The following PDE4D variants were observed in gnomAD, a reference collection of about 807,000 sequenced individuals.
The protein encoded by PDE4D is phosphodiesterase 4D.
Under a neutral mutation model 87.4 loss-of-function variants are expected in PDE4D, and 24 were observed. The observed-to-expected ratio is 0.27, with a 90% CI of 0.20 to 0.39. PDE4D has a LOEUF of 0.39. Ranked by LOEUF, PDE4D falls within the 10% of genes least tolerant of loss-of-function variation. The pLI is 1.00. For synonymous variants in PDE4D, 384 were observed against 383.2 expected (o/e 1.00, Z -0.02); for missense variants, 714 against 1,041.0 (o/e 0.69, Z 4.32).
chr5:59,158,100 A>G (rs972887427), intron 5 of PDE4D, among the ~76,000 whole-genome samples: 31 of 152,298 alleles, frequency 2.0e-4, no homozygotes, highest in Admixed American at 4.6e-4. Context: ...TGCTCTTCAA[A>G]GCCCAAGACC....
At chr5:60,386,415 A>G (rs1394835246) in intron 1 of PDE4D, among the ~76,000 whole-genome samples, 1 of 152,138 alleles carries the variant, frequency 6.6e-6, no homozygotes, top group Non-Finnish European at 1.5e-5. Flanking sequence ...AACCTCTCTA[A>G]CTCAGAGTCT....
intron 1 of PDE4D, among the ~76,000 whole-genome samples, chr5:60,378,664 C>T (rs1761615450): frequency 6.6e-6 from 1 of 151,916 alleles, no homozygotes; most frequent in East Asian, 1.9e-4. Context: ...CCAGCCTGAC[C>T]AACATGGTGA....
chr5:59,844,652 T>C (rs1481987325), intron 1 of PDE4D, among the ~76,000 whole-genome samples: 2 of 152,062 alleles, frequency 1.3e-5, no homozygotes, highest in Non-Finnish European at 2.9e-5. Flanking sequence ...GTAGGCACAA[T>C]TTTAAGATGG....
At chr5:59,775,581 T>A (rs1280132566) in intron 1 of PDE4D, among the ~76,000 whole-genome samples, 2 of 152,182 alleles carry the variant, frequency 1.3e-5, no homozygotes, top group Non-Finnish European at 2.9e-5. Flanking sequence ...AATCAAAAGA[T>A]TTTCAAACTC....
At chr5:59,768,795 G>C (rs931172834) in intron 1 of PDE4D, 2 of 592,288 alleles carry the variant, frequency 3.4e-6, no homozygotes, top group Non-Finnish European at 5.4e-6. Context: ...GCGCTCGCAC[G>C]GCTTTGTCCG....
intron 1 of PDE4D, among the ~76,000 whole-genome samples, chr5:60,207,208 AG>A (rs1742645691): frequency 6.6e-6 from 1 of 152,238 alleles, no homozygotes; most frequent in African/African-American, 2.4e-5. Flanking sequence ...GGAGGAAGGA[AG>A]AAAAGAAGAA....
chr5:59,182,015 G>A (rs1741726466), intron 4 of PDE4D, among the ~76,000 whole-genome samples: 1 of 152,044 alleles, frequency 6.6e-6, no homozygotes, highest in Non-Finnish European at 1.5e-5. Flanking sequence ...CTCAGCCTCT[G>A]GCTCCCTTTC....
intron 1 of PDE4D, among the ~76,000 whole-genome samples, chr5:60,287,011 CTG>C (rs1014905562): frequency 3.9e-5 from 6 of 152,196 alleles, no homozygotes; most frequent in Non-Finnish European, 5.9e-5. Flanking sequence ...ACACAACACA[CTG>C]TAAAGACTTT....
At chr5:60,348,785 G>T (rs1265813055) in intron 1 of PDE4D, among the ~76,000 whole-genome samples, 1 of 151,948 alleles carries the variant, frequency 6.6e-6, no homozygotes, top group Non-Finnish European at 1.5e-5. Flanking sequence ...AACAGAAAAT[G>T]CATACTTTAA....
At chr5:59,743,284 T>C (rs1315508742) in intron 1 of PDE4D, among the ~76,000 whole-genome samples, 1 of 152,050 alleles carries the variant, frequency 6.6e-6, no homozygotes, top group Non-Finnish European at 1.5e-5. Flanking sequence ...AAACATGACA[T>C]AAAAGCACAC....
chr5:59,390,268 A>G (rs1429915774), intron 1 of PDE4D, among the ~76,000 whole-genome samples: 1 of 152,154 alleles, frequency 6.6e-6, no homozygotes, highest in Non-Finnish European at 1.5e-5. Flanking sequence ...CTAATTTTGG[A>G]TATACTATTT....
intron 1 of PDE4D, among the ~76,000 whole-genome samples, chr5:59,801,730 C>T (rs915218214): frequency 2.3e-4 from 35 of 152,156 alleles, no homozygotes; most frequent in African/African-American, 5.6e-4. Flanking sequence ...CAAAATCAGA[C>T]GATTTGTTCC....
chr5:60,473,745 C>G (rs1365983927), intron 1 of PDE4D, among the ~76,000 whole-genome samples: 2 of 151,886 alleles, frequency 1.3e-5, no homozygotes, highest in African/African-American at 4.8e-5. Flanking sequence ...ATCTGGCATG[C>G]AAACCATACT....
At chr5:60,168,399 G>C (rs2962966) in intron 2 of PDE4D, among the ~76,000 whole-genome samples, 100,903 of 152,008 alleles carry the variant, frequency 0.66, 34,015 homozygotes, top group Middle Eastern at 0.71. Context: ...CTGGAAATAA[G>C]TTATTGGCTA....
At chr5:59,021,226 A>G (rs1215413680) in intron 6 of PDE4D, among the ~76,000 whole-genome samples, 1 of 152,208 alleles carries the variant, frequency 6.6e-6, no homozygotes, top group Non-Finnish European at 1.5e-5. Context: ...GGCTGTCTTC[A>G]TATTCTTTCA....
At chr5:59,559,877 C>T (rs1401466313) in intron 1 of PDE4D, among the ~76,000 whole-genome samples, 1 of 152,154 alleles carries the variant, frequency 6.6e-6, no homozygotes, top group Non-Finnish European at 1.5e-5. Context: ...ATTTTTCTCT[C>T]CAAAGCACAT....
At chr5:59,869,115 T>C (rs1490723379) in intron 1 of PDE4D, among the ~76,000 whole-genome samples, 1 of 152,190 alleles carries the variant, frequency 6.6e-6, no homozygotes, top group East Asian at 1.9e-4. Context: ...CCTGCCTTCA[T>C]GGAGCTGACG....
chr5:59,452,076 T>C (rs1231460763), intron 1 of PDE4D, among the ~76,000 whole-genome samples: 2 of 152,200 alleles, frequency 1.3e-5, no homozygotes, highest in East Asian at 1.9e-4. Flanking sequence ...TGATTCTTTT[T>C]TTTAGTTCAT....
intron 1 of PDE4D, among the ~76,000 whole-genome samples, chr5:59,675,881 A>G (rs2150346339): frequency 6.6e-6 from 1 of 152,170 alleles, no homozygotes; most frequent in African/African-American, 2.4e-5. Flanking sequence ...CAGTAGAGAC[A>G]GGGTCTCACT....
Sources: gnomAD v4.1 joint callset for allele counts (sites outside exome capture counted in the v4.1 genomes callset) on GRCh38, gnomAD v4.1.1 for gene constraint, MANE v1.5 for transcripts, NCBI Gene and HGNC (gene_info 2026-07-23, HGNC 2026-07-21) for gene names.